CADPS2: variants seen among roughly 807,000 people sequenced by gnomAD.
CADPS2 encodes the protein calcium dependent secretion activator 2, also known as calcium-dependent secretion activator 2.
Under a neutral mutation model 172.5 loss-of-function variants are expected in CADPS2, and 93 were observed. That is an observed-to-expected ratio of 0.54 (90% CI 0.46 to 0.64). CADPS2 has a LOEUF of 0.64. Among genes scored for constraint, CADPS2 ranks in the 30% least tolerant of loss-of-function variants. The pLI is 0.00. For synonymous variants in CADPS2, 546 were observed against 555.2 expected, an observed-to-expected ratio of 0.98 and a Z score of 0.23; for missense variants, 1,420 against 1,565.9, an observed-to-expected ratio of 0.91 and a Z score of 1.57.
At chr7:122,361,158 G>T in intron 25 of CADPS2, 145 bp from the exon 26 acceptor site, 1 of 534,276 alleles carries the variant, frequency 1.9e-6, no homozygotes. Context: ...AACTTGTGAT[G>T]TTTACTCTTT....
At chr7:122,406,607 G>T (rs1355301386) in intron 20 of CADPS2, among the ~76,000 whole-genome samples, 1 of 152,168 alleles carries the variant, frequency 6.6e-6, no homozygotes, top group South Asian at 2.1e-4. Context: ...AGGGTAAGGT[G>T]ATGAGAATGG....
At chr7:122,789,633 T>C (rs1255054440) in intron 1 of CADPS2, among the ~76,000 whole-genome samples, 1 of 152,200 alleles carries the variant, frequency 6.6e-6, no homozygotes, top group East Asian at 1.9e-4. Flanking sequence ...GTAAATACAG[T>C]TAAAAACGTC....
intron 1 of CADPS2, among the ~76,000 whole-genome samples, chr7:122,859,512 A>G (rs1166262834): frequency 6.6e-6 from 1 of 152,176 alleles, no homozygotes; most frequent in East Asian, 1.9e-4. Flanking sequence ...TGGCTCCAGT[A>G]ATACATAGGG....
At chr7:122,750,429 C>T (rs775995168) in intron 1 of CADPS2, among the ~76,000 whole-genome samples, 2 of 152,022 alleles carry the variant, frequency 1.3e-5, no homozygotes, top group Non-Finnish European at 2.9e-5. Flanking sequence ...TCTTCTGATG[C>T]CCCCTCTTTC....
chr7:122,490,340 C>T (rs2058175003), intron 10 of CADPS2, 59 bp from the exon 11 acceptor site: 3 of 1,343,230 alleles, frequency 2.2e-6, no homozygotes, highest in East Asian at 2.3e-5. Context: ...ATTTTCGTCT[C>T]ATTCACTAAC....
chr7:122,882,426 G>C (rs1206010727), intron 1 of CADPS2, among the ~76,000 whole-genome samples: 1 of 152,084 alleles, frequency 6.6e-6, no homozygotes, highest in Non-Finnish European at 1.5e-5. Context: ...ATAATGAAAA[G>C]AGCAGTGACT....
intron 8 of CADPS2, among the ~76,000 whole-genome samples, chr7:122,527,615 A>AGTGTGT (rs1356293722): frequency 3.5e-4 from 33 of 94,240 alleles, no homozygotes; most frequent in African/African-American, 5.6e-4. Flanking sequence ...AGAGAGAGAG[A>AGTGTGT]GAGTGTGTGT....
intron 8 of CADPS2, among the ~76,000 whole-genome samples, chr7:122,527,615 AGAGTGTGTGT>A (rs1259123680): frequency 4.1e-3 from 387 of 94,246 alleles, no homozygotes; most frequent in African/African-American, 0.014. Flanking sequence ...AGAGAGAGAG[AGAGTGTGTGT>A]GTGTGTGTGT....
At chr7:122,873,261 T>C (rs946685458) in intron 1 of CADPS2, among the ~76,000 whole-genome samples, 1 of 152,152 alleles carries the variant, frequency 6.6e-6, no homozygotes, top group African/African-American at 2.4e-5. Context: ...CATGCCATAG[T>C]GGTTTCCTGC....
intron 1 of CADPS2, among the ~76,000 whole-genome samples, chr7:122,855,190 T>C (rs1814836042): frequency 6.6e-6 from 1 of 152,202 alleles, no homozygotes; most frequent in Non-Finnish European, 1.5e-5. Context: ...ATCATTTCTT[T>C]AGTATAGTAG....
At chr7:122,347,674 C>A (rs1351001647) in intron 27 of CADPS2, among the ~76,000 whole-genome samples, 1 of 152,178 alleles carries the variant, frequency 6.6e-6, no homozygotes, top group Non-Finnish European at 1.5e-5. Context: ...CAATAATTCT[C>A]ATGAGCAATG....
chr7:122,859,001 A>T (rs912738127), intron 1 of CADPS2, among the ~76,000 whole-genome samples: 3 of 152,242 alleles, frequency 2.0e-5, no homozygotes, highest in Non-Finnish European at 4.4e-5. Context: ...AGGGCCAGGC[A>T]TATAAAAAAA....
rs11326243 is a variant in CADPS2, at chr7:122,532,030, CAAAAAA to C, written c.1476-18721_1476-18716del. ...TGGGTGACAGAGCAAGACTCCGTCT[CAAAAAA>C]AAAAAAAACAAAACAAACAAACAAA... On this transcript the variant is annotated intron_variant, in intron 8 of 29. Transcript: ENST00000449022. Among the ~76,000 whole-genome samples, 280 of 131,654 alleles carry C rather than the reference CAAAAAA, an allele frequency of 2.1e-3. 3 individuals are homozygous for C. The highest frequency in any genetic ancestry group is 7.4e-3 in the African/African-American group (269 of 36,276). The allele number at this position is 131,654 out of a possible 152,430, so 86.4% of individuals were successfully genotyped here.
rs544223318 is a variant in CADPS2, at chr7:122,843,429, T to A, written c.339+42570A>T. On this transcript the variant is annotated intron_variant, in intron 1 of 29. Transcript: ENST00000449022. Reference sequence around the variant, plus strand: ...ACCAACTACTTTGACCTATGGGGTGTCACTGTCTGTCAAAAAGCTATAACC... The same window carrying A: ...ACCAACTACTTTGACCTATGGGGTGACACTGTCTGTCAAAAAGCTATAACC... 2.0e-5 allele frequency among the ~76,000 whole-genome samples: 3 copies of A among 152,274 alleles called. No homozygotes were observed. In the South Asian group the frequency reaches 6.2e-4, roughly 32 times the overall value.
chr7:122,724,725 A>T (rs1223720948), intron 2 of CADPS2, among the ~76,000 whole-genome samples: 1 of 151,258 alleles, frequency 6.6e-6, no homozygotes, highest in Non-Finnish European at 1.5e-5. Flanking sequence ...CAAAACTCGC[A>T]ACGTTTTTTC....
chr7:122,431,183 T>C (rs974334373), intron 17 of CADPS2, among the ~76,000 whole-genome samples: 1 of 152,274 alleles, frequency 6.6e-6, no homozygotes, highest in Non-Finnish European at 1.5e-5. Context: ...TGCCAGTTTA[T>C]GGATGTTCTT....
At chr7:122,878,833 C>T (rs973208642) in intron 1 of CADPS2, among the ~76,000 whole-genome samples, 1 of 152,016 alleles carries the variant, frequency 6.6e-6, no homozygotes, top group Non-Finnish European at 1.5e-5. Context: ...ATCCTCGGAA[C>T]ATATTGGATA....
chr7:122,648,186 AC>A (rs2078764137), intron 3 of CADPS2, among the ~76,000 whole-genome samples: 1 of 151,772 alleles, frequency 6.6e-6, no homozygotes, highest in Non-Finnish European at 1.5e-5. Context: ...TTCTTCTCCC[AC>A]CCCACTGTTT....
At chr7:122,697,574 G>A in intron 2 of CADPS2, 1 of 484,264 alleles carries the variant, frequency 2.1e-6, no homozygotes, top group Non-Finnish European at 3.6e-6. Flanking sequence ...AACATACATT[G>A]ACAAAAAATT....
Sources: gnomAD v4.1 joint callset for allele counts (sites outside exome capture counted in the v4.1 genomes callset) on GRCh38, gnomAD v4.1.1 for gene constraint, MANE v1.5 for transcripts, NCBI Gene and HGNC (gene_info 2026-07-23, HGNC 2026-07-21) for gene names.